B3GALNT2: variants seen among roughly 807,000 people sequenced by gnomAD.
B3GALNT2 encodes the protein beta-1,3-N-acetylgalactosaminyltransferase 2.
A neutral mutation model predicts 61.1 loss-of-function variants in B3GALNT2; 53 were observed. The observed-to-expected ratio is 0.87, with a 90% CI of 0.70 to 1.09. The LOEUF (loss-of-function observed/expected upper bound fraction) is 1.09, where lower values mean the gene tolerates loss of function less well. B3GALNT2 is among the 50% of genes least tolerant of loss of function. The pLI is 0.00. For synonymous variants in B3GALNT2, 223 were observed against 237.4 expected, an observed-to-expected ratio of 0.94 and a Z score of 0.56; for missense variants, 544 against 623.0, an observed-to-expected ratio of 0.87 and a Z score of 1.35.
chr1:235,446,102 GAATTGGCATGA>G (rs1297585540), downstream of B3GALNT2, among the ~76,000 whole-genome samples: 1 of 152,146 alleles, frequency 6.6e-6, no homozygotes, highest in East Asian at 1.9e-4. Context: ...ACATGGCATG[GAATTGGCATGA>G]AAAGCTATAC....
intron 3 of B3GALNT2, among the ~76,000 whole-genome samples, chr1:235,487,003 T>C (rs555503945): frequency 9.9e-5 from 15 of 152,080 alleles, no homozygotes; most frequent in Admixed American, 9.8e-4. Flanking sequence ...ACCCCATCTC[T>C]ACTAAAAATA....
intron 2 of B3GALNT2, among the ~76,000 whole-genome samples, chr1:235,489,898 A>C (rs1264143513): frequency 6.6e-6 from 1 of 152,232 alleles, no homozygotes; most frequent in Non-Finnish European, 1.5e-5. Flanking sequence ...TTTTAGCTTT[A>C]ATATCACCAC....
At chr1:235,454,426 G>C in intron 9 of B3GALNT2, 111 bp from the exon 10 acceptor site, 1 of 1,117,446 alleles carries the variant, frequency 8.9e-7, no homozygotes, top group Non-Finnish European at 1.2e-6. Context: ...TAGAAGTGAG[G>C]AAAGAAAATA....
chr1:235,452,699 G>A (rs576289787), intron 11 of B3GALNT2, among the ~76,000 whole-genome samples: 24 of 152,202 alleles, frequency 1.6e-4, no homozygotes, highest in African/African-American at 4.1e-4. Flanking sequence ...ACAGGCAGGC[G>A]CTGCCATGCC....
At chr1:235,487,434 A>T (rs1684858103) in intron 3 of B3GALNT2, among the ~76,000 whole-genome samples, 1 of 152,196 alleles carries the variant, frequency 6.6e-6, no homozygotes, top group Non-Finnish European at 1.5e-5. Context: ...ATATGTATCA[A>T]CTTATTTCAT....
intron 1 of B3GALNT2, among the ~76,000 whole-genome samples, chr1:235,502,518 C>G (rs1015676838): frequency 2.0e-5 from 3 of 152,190 alleles, no homozygotes; most frequent in African/African-American, 7.2e-5. Flanking sequence ...GATCTTCTTA[C>G]CTACGTTATT....
intron 7 of B3GALNT2, chr1:235,464,082 T>C (rs571168013): frequency 6.6e-6 from 1 of 152,128 alleles, no homozygotes; most frequent in African/African-American, 2.4e-5. Context: ...TATATGAAAA[T>C]GAACATGGAT....
chr1:235,473,516 G>T (rs1684102730), intron 5 of B3GALNT2, among the ~76,000 whole-genome samples: 1 of 152,170 alleles, frequency 6.6e-6, no homozygotes, highest in South Asian at 2.1e-4. Context: ...TACAGGCGAT[G>T]AGAACAGATG....
intron 8 of B3GALNT2, 93 bp downstream of exon 8, chr1:235,458,509 AG>A: frequency 1.4e-6 from 2 of 1,458,736 alleles, no homozygotes; most frequent in South Asian, 1.5e-5. Flanking sequence ...ACCCCTAGTA[AG>A]GGGTTTCCTT....
At position 235,475,225 on chromosome 1, in the gene B3GALNT2, C is replaced by G. The variant is rs1257998572; in HGVS notation, c.652-4265G>C. Among the ~76,000 whole-genome samples, 9 of 151,512 alleles carry G rather than the reference C, an allele frequency of 5.9e-5. No individual in the cohort carries two copies. In the East Asian group the frequency reaches 1.6e-3, roughly 26 times the overall value. On this transcript the variant is annotated intron_variant, in intron 5 of 11. Transcript: ENST00000366600. ...TGTTAGCCAGGATGGTCTGGATTTC[C>G]TGACCTCATGATCCACCCGCCTCGG...
chr1:235,475,906 G>A (rs1346649869), intron 5 of B3GALNT2, among the ~76,000 whole-genome samples: 2 of 152,010 alleles, frequency 1.3e-5, no homozygotes, highest in Admixed American at 6.6e-5. Flanking sequence ...CAGGCTGGTC[G>A]TCTCAAACTC....
downstream of B3GALNT2, among the ~76,000 whole-genome samples, chr1:235,443,491 C>G (rs949889246): frequency 1.2e-4 from 18 of 152,162 alleles, no homozygotes; most frequent in Non-Finnish European, 1.5e-5. Flanking sequence ...AGGCATGAGC[C>G]ACTGCAGTTG....
chr1:235,503,910 G>T lies in B3GALNT2; in HGVS notation c.112+231C>A, dbSNP rs1054602979. ...AACTGCGGGCGCCGGCTCTGCGGGC[G>T]TTAAGGGAAACGGGGAAGTGAGAAG... On this transcript the variant is annotated intron_variant, in intron 1 of 11. Coordinates refer to ENST00000366600, the MANE Select transcript of B3GALNT2 (RefSeq NM_152490.5). Among the ~76,000 whole-genome samples the T allele has an allele frequency of 2.6e-5, 4 of 152,332 alleles. No homozygotes were observed. In the Middle Eastern group the frequency reaches 0.01, roughly 389 times the overall value.
chr1:235,478,607 C>T (rs1302015536), intron 5 of B3GALNT2, among the ~76,000 whole-genome samples: 1 of 152,164 alleles, frequency 6.6e-6, no homozygotes, highest in South Asian at 2.1e-4. Flanking sequence ...AACAGAGGTG[C>T]GGTGATATTT....
At chr1:235,486,420 A>G (rs1684806960) in intron 3 of B3GALNT2, among the ~76,000 whole-genome samples, 2 of 152,198 alleles carry the variant, frequency 1.3e-5, no homozygotes, top group African/African-American at 4.8e-5. Context: ...ATAATATAGC[A>G]TTTTTAGATA....
chr1:235,500,368 A>G (rs970508044), intron 1 of B3GALNT2, among the ~76,000 whole-genome samples: 1 of 152,250 alleles, frequency 6.6e-6, no homozygotes, highest in East Asian at 1.9e-4. Flanking sequence ...TGGCACACAC[A>G]TGTAACAGAG....
At chr1:235,497,004 A>G (rs1319838927) in intron 1 of B3GALNT2, among the ~76,000 whole-genome samples, 3 of 152,238 alleles carry the variant, frequency 2.0e-5, no homozygotes, top group Non-Finnish European at 4.4e-5. Flanking sequence ...TCTGAGTCTA[A>G]ATTCTGATCT....
In B3GALNT2 at chr1:235,494,826, G is replaced by T; in HGVS notation, c.115C>A (p.Gln39Lys). 1 of 1,602,472 alleles carries T rather than the reference G, an allele frequency of 6.2e-7. No individual in the cohort carries two copies. The highest frequency in any genetic ancestry group is 8.5e-7 in the Non-Finnish European group (1 of 1,170,824). The change falls in exon 2 of 12, where the codon CAG becomes AAG. Residue 39 changes from glutamine to lysine, a missense_variant and splice_region_variant. Coordinates refer to ENST00000366600, the MANE Select transcript of B3GALNT2 (RefSeq NM_152490.5). ...ACASGAGPAD[Q>K]LALFPQWKST... ...TTCCACTGAGGAAATAAGGCCAACT[G>T]ATCTAGAAATAAGAACAATACATGA...
At chr1:235,488,981 T>A (rs1159458905) in intron 3 of B3GALNT2, among the ~76,000 whole-genome samples, 187 bp downstream of exon 3, 1 of 151,912 alleles carries the variant, frequency 6.6e-6, no homozygotes, top group Non-Finnish European at 1.5e-5. Context: ...GCCCCGGAGT[T>A]TGAGGTTATA....
Sources: gnomAD v4.1 joint callset for allele counts (sites outside exome capture counted in the v4.1 genomes callset) on GRCh38, gnomAD v4.1.1 for gene constraint, MANE v1.5 for transcripts, NCBI Gene and HGNC (gene_info 2026-07-23, HGNC 2026-07-21) for gene names.